RMDN3: variants seen among roughly 807,000 people sequenced by gnomAD.
The protein encoded by RMDN3 is regulator of microtubule dynamics protein 3.
A neutral mutation model predicts 61.8 loss-of-function variants in RMDN3; 41 were observed. That is an observed-to-expected ratio of 0.66 (90% confidence interval 0.52 to 0.86). RMDN3 has a LOEUF of 0.86. Ranked by LOEUF, RMDN3 falls within the 40% of genes least tolerant of loss-of-function variation. The pLI, the probability that RMDN3 is intolerant of heterozygous loss-of-function variation, is 0.00. For missense variants in RMDN3, 557 were observed against 585.3 expected (o/e 0.95, Z 0.50); for synonymous variants, 247 against 232.0 (o/e 1.06, Z -0.59).
At chr15:40,750,269 G>T (rs1410236350) in intron 4 of RMDN3, among the ~76,000 whole-genome samples, 1 of 148,950 alleles carries the variant, frequency 6.7e-6, no homozygotes, top group Non-Finnish European at 1.5e-5. Flanking sequence ...TCACAGGCTG[G>T]AGTGCAGTGG....
intron 7 of RMDN3, chr15:40,739,220 C>A (rs1193876849): frequency 1.3e-5 from 2 of 152,594 alleles, no homozygotes; most frequent in African/African-American, 4.8e-5. Context: ...TCCCCATCCC[C>A]CCAGCATTGT....
At chr15:40,752,504 C>T (rs1310944559) in intron 2 of RMDN3, among the ~76,000 whole-genome samples, 1 of 151,320 alleles carries the variant, frequency 6.6e-6, no homozygotes, top group South Asian at 2.1e-4. Context: ...AAAACAAAAA[C>T]CTTCACCTCA....
chr15:40,738,491 C>T lies in RMDN3; in HGVS notation c.1047+10G>A, dbSNP rs1897154080. 1 of 1,613,540 alleles carries T rather than the reference C, an allele frequency of 6.2e-7. No individual in the cohort carries two copies. The highest frequency in any genetic ancestry group is 8.5e-7 in the Non-Finnish European group (1 of 1,179,600). ...GCCAGCACAAGGAAGGAGGAAAAGC[C>T]TGTCCTCACCTTGAAGCTAAAGCCA... On this transcript the variant is annotated intron_variant, in intron 8 of 12. Coordinates refer to ENST00000338376, the MANE Select transcript of RMDN3 (RefSeq NM_018145.3).
chr15:40,738,360 C>T (rs1005077521), intron 8 of RMDN3, 141 bp downstream of exon 8: 24 of 777,302 alleles, frequency 3.1e-5, no homozygotes, highest in Middle Eastern at 2.4e-4. Context: ...CCAGCTTGGG[C>T]GATAGAGTGA....
At chr15:40,744,954 G>A (rs940470870) in intron 5 of RMDN3, 23 bp downstream of exon 5, 15 of 1,568,768 alleles carry the variant, frequency 9.6e-6, no homozygotes, top group Admixed American at 1.8e-5. Flanking sequence ...GAAGGAGAAG[G>A]AGACAGGCAG....
At chr15:40,755,040 G>A in intron 1 of RMDN3, 43 bp downstream of exon 1, 1 of 432,250 alleles carries the variant, frequency 2.3e-6, no homozygotes, top group Non-Finnish European at 4.2e-6. Flanking sequence ...TACACCCCCC[G>A]ACCCGGGTCA....
intron 2 of RMDN3, among the ~76,000 whole-genome samples, chr15:40,754,028 A>T (rs1229462147): frequency 6.6e-6 from 1 of 152,038 alleles, no homozygotes; most frequent in African/African-American, 2.4e-5. Flanking sequence ...ATACCCACAT[A>T]GCACTATTGT....
intron 6 of RMDN3, among the ~76,000 whole-genome samples, chr15:40,741,404 CTCTT>C (rs895563892): frequency 2.0e-5 from 3 of 152,066 alleles, no homozygotes; most frequent in African/African-American, 7.2e-5. Context: ...TAGGCCAAAA[CTCTT>C]TCACAAGAGC....
At chr15:40,753,556 A>G (rs964415911) in intron 2 of RMDN3, among the ~76,000 whole-genome samples, 1 of 152,150 alleles carries the variant, frequency 6.6e-6, no homozygotes, top group Non-Finnish European at 1.5e-5. Context: ...AAGAAAAAAA[A>G]CACTCCTCTT....
chr15:40,740,718 C>T (rs1470322861), intron 6 of RMDN3, among the ~76,000 whole-genome samples: 1 of 152,184 alleles, frequency 6.6e-6, no homozygotes, highest in Non-Finnish European at 1.5e-5. Context: ...CCCCATCTGT[C>T]ATTAGAAACC....
Position 40,751,985 on chromosome 15 carries a change from C to A in RMDN3, c.380+1G>T. 6.2e-7 allele frequency: 1 copy of A among 1,613,224 alleles called. No individual in the cohort carries two copies. Among genetic ancestry groups the A allele is most frequent in the East Asian group, 2.2e-5 (1 of 44,874 alleles). ...GCAGGAGAAGAAGCCGCATTACTCACCGGACCTCCCCAACAATCTCCCCCG... is the reference window on the plus strand; with the variant it reads ...GCAGGAGAAGAAGCCGCATTACTCAACGGACCTCCCCAACAATCTCCCCCG... On this transcript the variant is annotated splice_donor_variant, in intron 3 of 12. Transcript: ENST00000338376. LOFTEE classifies it high-confidence loss of function.
chr15:40,745,935 C>T (rs1444019548), intron 4 of RMDN3, among the ~76,000 whole-genome samples: 1 of 152,162 alleles, frequency 6.6e-6, no homozygotes, highest in Non-Finnish European at 1.5e-5. Flanking sequence ...ACAGGAGTAG[C>T]CCATAGTAAC....
intron 4 of RMDN3, among the ~76,000 whole-genome samples, chr15:40,750,367 GCAC>G: frequency 6.6e-6 from 1 of 152,064 alleles, no homozygotes; most frequent in East Asian, 1.9e-4. Flanking sequence ...TTACAGGCAT[GCAC>G]CACCACACCT....
At chr15:40,752,319 G>T in intron 2 of RMDN3, 141 bp from the exon 3 acceptor site, 1 of 823,616 alleles carries the variant, frequency 1.2e-6, no homozygotes. Flanking sequence ...TCACAGCCAG[G>T]TCATGGTAAC....
chr15:40,751,655 G>A (rs1242662086), intron 3 of RMDN3, 86 bp from the exon 4 acceptor site: 3 of 1,566,608 alleles, frequency 1.9e-6, no homozygotes, highest in Admixed American at 1.7e-5. Context: ...TCTTACTACT[G>A]CTCCTCATTA....
intron 4 of RMDN3, among the ~76,000 whole-genome samples, chr15:40,746,472 A>G (rs1430776109): frequency 4.6e-5 from 7 of 150,648 alleles, no homozygotes; most frequent in Non-Finnish European, 1.0e-4. Flanking sequence ...AGCGGAGATC[A>G]CACCACTGCA....
At position 40,740,125 on chromosome 15, in the gene RMDN3, G is replaced by A; in HGVS notation, c.971+8C>T. ...GGCTCTTCCCAGAACACTGCAGGGT[G>A]TTATTACCACAGGTGACAGTCAGCA... is the stretch of plus-strand genomic sequence containing the variant. On this transcript the variant is annotated splice_region_variant and intron_variant, in intron 7 of 12. Transcript: ENST00000338376. 1 of 1,594,832 alleles carries A rather than the reference G, an allele frequency of 6.3e-7. No individual in the cohort carries two copies. The highest frequency in any genetic ancestry group is 8.6e-7 in the Non-Finnish European group (1 of 1,163,252).
intron 2 of RMDN3, among the ~76,000 whole-genome samples, chr15:40,754,305 T>C (rs548259773): frequency 9.9e-5 from 15 of 152,218 alleles, no homozygotes; most frequent in African/African-American, 3.4e-4. Flanking sequence ...AATTTTTGTA[T>C]TTTTAGTAGA....
At position 40,752,172 on chromosome 15, in the gene RMDN3, A is replaced by C. The variant is rs758895910; in HGVS notation, c.194T>G (p.Leu65Arg). ...AGCCCCACCTGGGACAGCCCGCAGG[A>C]GCATCACTGAAGGGGGAAACGAATG... Reference protein sequence around the residue: ...QTSDPGRHVMLLRAVPGGAGD... With the variant: ...QTSDPGRHVMRLRAVPGGAGD... The change falls in exon 3 of 13, where the codon CTC (leucine) becomes CGC (arginine). Residue 65 changes from leucine (L) to arginine (R), a missense_variant. By Grantham distance (102) the Leu-to-Arg change is moderately radical. Coordinates refer to ENST00000338376, the MANE Select transcript of RMDN3 (RefSeq NM_018145.3). The C allele has an allele frequency of 3.7e-6, 6 of 1,613,288 alleles. No homozygotes were observed. In the East Asian group the frequency reaches 6.7e-5, roughly 18 times the overall value.
Sources: allele counts gnomAD v4.1 joint callset (sites outside exome capture counted in the v4.1 genomes callset), GRCh38; gene constraint gnomAD v4.1.1; transcripts MANE v1.5; gene names NCBI Gene and HGNC (gene_info 2026-07-23, HGNC 2026-07-21).